The following FHIP1A variants were observed in gnomAD, a reference collection of about 807,000 sequenced individuals.
The protein encoded by FHIP1A is FHF complex subunit HOOK interacting protein 1A, also known as FHF complex subunit HOOK-interacting protein 1A.
FHIP1A carries 61 observed loss-of-function variants against 88.6 expected under a neutral mutation model. That is an observed-to-expected ratio of 0.69 (90% confidence interval 0.56 to 0.85). FHIP1A has a LOEUF of 0.85. Among genes scored for constraint, FHIP1A ranks in the 40% least tolerant of loss-of-function variants. The pLI is 0.00. For missense variants in FHIP1A, 1,154 were observed against 1,273.5 expected (o/e 0.91, Z 1.43); for synonymous variants, 478 against 496.0 (o/e 0.96, Z 0.48).
chr4:151,458,642 T>C (rs28378042), intron 2 of FHIP1A, among the ~76,000 whole-genome samples: 12,693 of 152,162 alleles, frequency 0.083, 929 homozygotes, highest in South Asian at 0.28. Context: ...ACCCTGGCTG[T>C]CCTTAACTGT....
rs17027780 is a variant in FHIP1A at position 151,669,185 on chromosome 4, G to T, written c.*6431G>T. On this transcript the variant is annotated 3_prime_UTR_variant, in exon 14 of 14. Coordinates refer to ENST00000435205, the MANE Select transcript of FHIP1A (RefSeq NM_001109977.3). ...GGTTTCAGTCAGAGCCATGCTTTGG[G>T]TTTTTCCTAGCAGCAGTGATGATAT... 0.15 allele frequency among the ~76,000 whole-genome samples: 22,677 copies of T among 152,172 alleles called. 2,050 individuals are homozygous for T. Among genetic ancestry groups the T allele is most frequent in the African/African-American group, 0.26 (10,740 of 41,502 alleles).
chr4:151,549,217 C>T (rs548946177), intron 3 of FHIP1A, among the ~76,000 whole-genome samples: 168 of 152,054 alleles, frequency 1.1e-3, no homozygotes, highest in African/African-American at 3.8e-3. Context: ...GGGGAACAGA[C>T]GTAAACTACT....
chr4:151,499,557 CT>C (rs796412121), intron 3 of FHIP1A, among the ~76,000 whole-genome samples: 14 of 152,274 alleles, frequency 9.2e-5, no homozygotes, highest in African/African-American at 3.4e-4. Context: ...CTACAAAGTC[CT>C]TGTGCATGCC....
At chr4:151,603,975 A>G (rs1246148948) in intron 7 of FHIP1A, among the ~76,000 whole-genome samples, 1 of 152,148 alleles carries the variant, frequency 6.6e-6, no homozygotes, top group Non-Finnish European at 1.5e-5. Flanking sequence ...TTCTAAACAC[A>G]TCATCCTTCC....
intron 7 of FHIP1A, among the ~76,000 whole-genome samples, chr4:151,614,468 CAAA>C (rs1170058431): frequency 9.8e-5 from 6 of 61,214 alleles, no homozygotes; most frequent in Admixed American, 1.9e-4. Context: ...GACTCTGTCT[CAAA>C]AAAAAAAAAA....
intron 7 of FHIP1A, among the ~76,000 whole-genome samples, chr4:151,604,869 A>C (rs933755288): frequency 1.2e-4 from 18 of 151,952 alleles, no homozygotes; most frequent in East Asian, 1.9e-4. Flanking sequence ...AATACTAATA[A>C]TAATAATAAA....
Position 151,656,240 on chromosome 4 carries a change from A to G in FHIP1A, c.2560A>G (p.Ile854Val), listed in dbSNP as rs1737227968. ...TQSTPFTGPFISVVLSKLENM... is the reference protein window; with the variant it reads ...TQSTPFTGPFVSVVLSKLENM... ...TTGTGTTCTTCCTGCAGGCCCATTC[A>G]TCAGCGTAGTCCTGTCAAAGCTGGA... is the stretch of plus-strand genomic sequence containing the variant. The change falls in exon 12 of 14, where the codon ATC becomes GTC. Residue 854 changes from isoleucine to valine, a missense_variant. Physicochemically the swap from Ile to Val is conservative, Grantham distance 29. Coordinates refer to ENST00000435205, the MANE Select transcript of FHIP1A (RefSeq NM_001109977.3). This position sits in a 1 kb window ranked among gnomAD's most constrained non-coding sequence, Gnocchi z 4.2. 1 of 1,551,482 alleles carries G rather than the reference A, an allele frequency of 6.4e-7. No homozygotes were observed. The highest frequency in any genetic ancestry group is 8.7e-7 in the Non-Finnish European group (1 of 1,146,944).
intron 6 of FHIP1A, 69 bp from the exon 7 acceptor site, chr4:151,588,770 GA>G (rs1734313354): frequency 1.0e-6 from 1 of 994,782 alleles, no homozygotes; most frequent in Non-Finnish European, 1.6e-6. Context: ...GATGTACACA[GA>G]ATTGTTTTAT....
intron 11 of FHIP1A, among the ~76,000 whole-genome samples, chr4:151,650,889 T>C (rs1457035126): frequency 2.0e-5 from 3 of 152,260 alleles, no homozygotes; most frequent in Admixed American, 1.3e-4. Flanking sequence ...AGACGTCTTA[T>C]TTAATGACTT....
chr4:151,594,362 G>T (rs1313143753), intron 7 of FHIP1A, among the ~76,000 whole-genome samples: 1 of 152,098 alleles, frequency 6.6e-6, no homozygotes, highest in Non-Finnish European at 1.5e-5. Flanking sequence ...CTGTGAATTT[G>T]TCTGGTCCTG....
intron 11 of FHIP1A, among the ~76,000 whole-genome samples, chr4:151,653,932 A>G (rs1444984448): frequency 6.6e-6 from 1 of 152,096 alleles, no homozygotes; most frequent in Non-Finnish European, 1.5e-5. Context: ...TGAGGTGGGG[A>G]GTCTATCTGT....
chr4:151,527,320 G>C (rs1295671576), intron 3 of FHIP1A, among the ~76,000 whole-genome samples: 1 of 152,222 alleles, frequency 6.6e-6, no homozygotes, highest in African/African-American at 2.4e-5. Context: ...TTAGGAGCTG[G>C]AGACCAGCCC....
intron 13 of FHIP1A, among the ~76,000 whole-genome samples, chr4:151,658,571 G>A (rs776554455): frequency 1.3e-5 from 2 of 152,122 alleles, no homozygotes; most frequent in Non-Finnish European, 2.9e-5. Context: ...CTCAGACTCG[G>A]AGCTCACGTA....
chr4:151,515,324 A>G (rs985184012), intron 3 of FHIP1A, among the ~76,000 whole-genome samples: 4 of 151,540 alleles, frequency 2.6e-5, no homozygotes, highest in Non-Finnish European at 4.4e-5. Context: ...AGAGCTATCT[A>G]TGACAAACCC....
intron 1 of FHIP1A, among the ~76,000 whole-genome samples, chr4:151,428,542 A>C (rs1733471664): frequency 6.6e-6 from 1 of 152,106 alleles, no homozygotes; most frequent in South Asian, 2.1e-4. Flanking sequence ...CACCCTTAGT[A>C]ATATTTAAAC....
chr4:151,535,184 C>A (rs1169477764), intron 3 of FHIP1A, among the ~76,000 whole-genome samples: 1 of 152,088 alleles, frequency 6.6e-6, no homozygotes, highest in Non-Finnish European at 1.5e-5. Flanking sequence ...CCACTGCACT[C>A]CAGCCTGGGC....
At chr4:151,615,189 T>C (rs1560800986) in intron 7 of FHIP1A, among the ~76,000 whole-genome samples, 1 of 152,170 alleles carries the variant, frequency 6.6e-6, no homozygotes, top group Non-Finnish European at 1.5e-5. Context: ...ATACAGATAT[T>C]CAATTTCAAA....
rs1223883151 is a variant in FHIP1A, at chr4:151,656,789, A to C, written c.2760A>C (p.Glu920Asp). ...QVLASVKNKI[E>D]QFASVERDFP... The stretch of plus-strand genomic sequence containing the variant: ...TTGCATCTGTGAAAAACAAGATTGA[A>C]CAGTTTGCTTCTGTGGAGAGAGACT... The change falls in exon 13 of 14, where the codon GAA becomes GAC. Residue 920 changes from glutamate (E) to aspartate (D), a missense_variant. Physicochemically the swap from Glu to Asp is conservative, Grantham distance 45 (BLOSUM62 2). Transcript: ENST00000435205. The surrounding 1 kb of genome is among the most constrained non-coding windows in gnomAD (Gnocchi z 4.2). 1 of 1,551,658 alleles carries C rather than the reference A, an allele frequency of 6.4e-7. No homozygotes were observed. Among genetic ancestry groups the C allele is most frequent in the Non-Finnish European group, 8.7e-7 (1 of 1,146,966 alleles).
intron 2 of FHIP1A, among the ~76,000 whole-genome samples, chr4:151,480,227 C>A (rs1251896881): frequency 1.3e-5 from 2 of 151,980 alleles, no homozygotes; most frequent in African/African-American, 4.8e-5. Context: ...TTGCTGCTGG[C>A]GGGATCATGA....
Sources: allele counts gnomAD v4.1 joint callset (sites outside exome capture counted in the v4.1 genomes callset), GRCh38; gene constraint gnomAD v4.1.1; non-coding constraint Gnocchi (gnomAD v3.1); transcripts MANE v1.5; gene names NCBI Gene and HGNC (gene_info 2026-07-23, HGNC 2026-07-21).